The following ADGRL3 variants were observed in gnomAD, a reference collection of about 807,000 sequenced individuals.
The protein encoded by ADGRL3 is calcium-independent alpha-latrotoxin receptor 3.
In ADGRL3, 62 loss-of-function variants were observed where a neutral mutation model predicts 153.5. The observed-to-expected ratio is 0.40, with a 90% CI of 0.33 to 0.50. ADGRL3 has a LOEUF of 0.50. ADGRL3 is among the 20% of genes least tolerant of loss of function. The pLI, the probability that ADGRL3 is intolerant of heterozygous loss-of-function variation, is 0.47. For missense variants in ADGRL3, 1,641 were observed against 1,859.4 expected (o/e 0.88, Z 2.16); for synonymous variants, 710 against 672.5 (o/e 1.06, Z -0.86).
rs1735244462 is a variant in ADGRL3 at position 61,202,583 on chromosome 4, C to T, written c.-240+818C>T. ...GGGGTGGGCAGAGCATTGGTGGTCG[C>T]GGTTGGCGGGTTACAGGTAGGAGAG... On this transcript the variant is annotated intron_variant, in intron 1 of 26. Transcript: ENST00000683033. This position sits in a 1 kb window ranked among gnomAD's most constrained non-coding sequence, Gnocchi z 5.0. Among the ~76,000 whole-genome samples, 2 of 152,116 alleles carry T rather than the reference C, an allele frequency of 1.3e-5. No homozygotes were observed. Among genetic ancestry groups the T allele is most frequent in the South Asian group, 4.1e-4 (2 of 4,832 alleles).
At chr4:61,714,057 C>A (rs926177866) in intron 6 of ADGRL3, among the ~76,000 whole-genome samples, 1 of 151,978 alleles carries the variant, frequency 6.6e-6, no homozygotes, top group Non-Finnish European at 1.5e-5. Flanking sequence ...CTATGGAATG[C>A]GTAAATGTTA....
intron 8 of ADGRL3, among the ~76,000 whole-genome samples, chr4:61,754,377 T>C (rs986544270): frequency 2.0e-5 from 3 of 152,002 alleles, no homozygotes; most frequent in African/African-American, 7.2e-5. Flanking sequence ...TTCTTTATAG[T>C]TTCCCAGATT....
chr4:61,525,926 C>T (rs929700860), intron 4 of ADGRL3, among the ~76,000 whole-genome samples: 2 of 151,918 alleles, frequency 1.3e-5, no homozygotes, highest in South Asian at 2.1e-4. Flanking sequence ...AAGAGAAAAG[C>T]GATCATTAGT....
intron 17 of ADGRL3, among the ~76,000 whole-genome samples, chr4:61,956,836 C>A (rs2098968954): frequency 6.6e-6 from 1 of 152,100 alleles, no homozygotes; most frequent in Non-Finnish European, 1.5e-5. Flanking sequence ...TGTCAAAGGT[C>A]TGAAGGTTGT....
intron 2 of ADGRL3, among the ~76,000 whole-genome samples, chr4:61,471,642 G>C (rs1171324327): frequency 6.6e-6 from 1 of 151,888 alleles, no homozygotes. Flanking sequence ...TTTAAGATCT[G>C]AAAGTTGATT....
chr4:61,284,966 T>TTAAAA (rs201621616), intron 1 of ADGRL3, among the ~76,000 whole-genome samples: 2,674 of 151,870 alleles, frequency 0.018, 66 homozygotes, highest in African/African-American at 0.059. Context: ...TTACCAATCT[T>TTAAAA]TGTTTAAAAT....
chr4:61,295,928 C>T (rs887393643), intron 1 of ADGRL3, among the ~76,000 whole-genome samples: 7 of 152,032 alleles, frequency 4.6e-5, no homozygotes, highest in African/African-American at 1.4e-4. Flanking sequence ...AGCTGTGGAT[C>T]GGCAACAGAG....
intron 5 of ADGRL3, among the ~76,000 whole-genome samples, chr4:61,656,014 C>T (rs751313030): frequency 1.9e-4 from 29 of 152,140 alleles, no homozygotes; most frequent in Non-Finnish European, 4.0e-4. Context: ...TTAGTTTTCT[C>T]TGTTACGTTT....
chr4:61,428,921 C>CTATT (rs1560616781), intron 2 of ADGRL3, among the ~76,000 whole-genome samples: 1 of 151,200 alleles, frequency 6.6e-6, no homozygotes, highest in African/African-American at 2.4e-5. Context: ...ATCTATCTAT[C>CTATT]TATCTATCTA....
At chr4:61,888,653 A>C (rs1363352928) in intron 9 of ADGRL3, among the ~76,000 whole-genome samples, 3 of 152,212 alleles carry the variant, frequency 2.0e-5, no homozygotes, top group Admixed American at 6.5e-5. Context: ...AATTCTGCTT[A>C]AAGTTAAATG....
At chr4:62,017,418 G>GT (rs563464016) in intron 21 of ADGRL3, among the ~76,000 whole-genome samples, 198 of 148,412 alleles carry the variant, frequency 1.3e-3, no homozygotes, top group African/African-American at 4.6e-3. Context: ...TTCATAAATA[G>GT]TTTTTTTTAA....
intron 8 of ADGRL3, among the ~76,000 whole-genome samples, chr4:61,793,091 AAGAC>A (rs2097363990): frequency 6.6e-6 from 1 of 152,110 alleles, no homozygotes; most frequent in East Asian, 1.9e-4. Context: ...GAGGCAGGGA[AAGAC>A]AGAGAGCTTG....
chr4:61,340,786 C>T (rs1348872966), intron 1 of ADGRL3, among the ~76,000 whole-genome samples: 2 of 151,382 alleles, frequency 1.3e-5, no homozygotes, highest in Non-Finnish European at 2.9e-5. Context: ...GGATTTTGAT[C>T]TAGGTTTGTT....
chr4:61,622,727 A>G (rs562110660), intron 5 of ADGRL3, among the ~76,000 whole-genome samples: 66 of 152,252 alleles, frequency 4.3e-4, no homozygotes, highest in African/African-American at 1.2e-3. Flanking sequence ...TTCTATTTTT[A>G]AAACGAGGAA....
intron 21 of ADGRL3, among the ~76,000 whole-genome samples, chr4:62,010,072 T>C (rs2098618663): frequency 6.6e-6 from 1 of 152,132 alleles, no homozygotes; most frequent in African/African-American, 2.4e-5. Context: ...GTAGATGTTT[T>C]CACCACCCTA....
intron 25 of ADGRL3, among the ~76,000 whole-genome samples, chr4:62,050,117 A>G (rs1246952901): frequency 6.6e-6 from 1 of 152,088 alleles, no homozygotes; most frequent in Non-Finnish European, 1.5e-5. Flanking sequence ...ACTGAATGCC[A>G]AGTAAAATAA....
At chr4:61,528,431 T>G (rs1218129626) in intron 4 of ADGRL3, among the ~76,000 whole-genome samples, 5 of 152,114 alleles carry the variant, frequency 3.3e-5, no homozygotes, top group African/African-American at 1.2e-4. Context: ...GGATATATCT[T>G]TCATCTTTAC....
At chr4:62,038,069 A>C (rs1726081071) in intron 24 of ADGRL3, among the ~76,000 whole-genome samples, 1 of 152,174 alleles carries the variant, frequency 6.6e-6, no homozygotes, top group African/African-American at 2.4e-5. Flanking sequence ...AAGTTTGCAT[A>C]ATAATGACTT....
chr4:61,719,582 A>G (rs1580440717), intron 6 of ADGRL3, among the ~76,000 whole-genome samples: 2 of 145,786 alleles, frequency 1.4e-5, no homozygotes, highest in Admixed American at 6.9e-5. Flanking sequence ...CTAACCCTGC[A>G]TTTCTTTCAC....
Sources: gnomAD v4.1 joint callset for allele counts (sites outside exome capture counted in the v4.1 genomes callset) on GRCh38, gnomAD v4.1.1 for gene constraint, Gnocchi (gnomAD v3.1) non-coding constraint, MANE v1.5 for transcripts, NCBI Gene and HGNC (gene_info 2026-07-23, HGNC 2026-07-21) for gene names.